Variants in INHA observed in about 807,000 individuals in gnomAD.
The protein encoded by INHA is inhibin subunit alpha, also known as inhibin alpha chain.
In INHA, 8 loss-of-function variants were observed where a neutral mutation model predicts 21.3. The ratio of observed to expected loss-of-function variants is 0.38; its 90% CI spans 0.22 to 0.68. The LOEUF (loss-of-function observed/expected upper bound fraction) is 0.68. Ranked by LOEUF, INHA falls within the 30% of genes least tolerant of loss-of-function variation. The pLI is 0.53. For missense variants in INHA, 436 were observed against 465.8 expected, an observed-to-expected ratio of 0.94 and a Z score of 0.59; for synonymous variants, 231 against 207.5, an observed-to-expected ratio of 1.11 and a Z score of -0.97.
chr2:219,575,563 G>T lies in INHA; in HGVS notation c.*37G>T. 1 of 1,522,520 alleles carries T rather than the reference G, an allele frequency of 6.6e-7. No individual in the cohort carries two copies. The allele number at this position is 1,522,520 out of a possible 1,614,324, so 94.3% of individuals were successfully genotyped here. On this transcript the variant is annotated 3_prime_UTR_variant, in exon 2 of 2. Coordinates refer to ENST00000243786, the MANE Select transcript of INHA (RefSeq NM_002191.4). ...CTTCCTTCTTAATCCCATGGCTGGT[G>T]GCCACGCCCCCACCATCATCAGCTG...
At position 219,574,822 on chromosome 2, in the gene INHA, T is replaced by C; in HGVS notation, c.397T>C (p.Phe133Leu). 6.2e-7 allele frequency: 1 copy of C among 1,614,112 alleles called. No individual in the cohort carries two copies. Among genetic ancestry groups the C allele is most frequent in the Non-Finnish European group, 8.5e-7 (1 of 1,179,992 alleles). ...SRQVTSAQLW[F>L]HTGLDRQGTA... is the part of the protein sequence containing the mutation. The stretch of plus-strand genomic sequence containing the variant: ...CCAGGTGACTTCAGCCCAGCTGTGG[T>C]TCCACACCGGGCTGGACAGGCAGGG... Residue 133 changes from phenylalanine to leucine, a missense_variant, in exon 2 of 2, where the codon TTC becomes CTC. Phe to Leu is a conservative substitution (Grantham distance 22). Transcript: ENST00000243786.
chr2:219,572,339 G>A lies in INHA; in HGVS notation c.-36G>A. On this transcript the variant is annotated 5_prime_UTR_variant, in exon 1 of 2. Transcript: ENST00000243786. ...ACCCTGGCAGAAGGGGCACGGGGCA[G>A]GGTGTGAGTTCCCCACTAGCAGGGC... 3.7e-6 allele frequency: 6 copies of A among 1,613,200 alleles called. No individual in the cohort carries two copies. The highest frequency in any genetic ancestry group is 1.1e-5 in the South Asian group (1 of 90,948).
chr2:219,575,390 C>T lies in INHA; in HGVS notation c.965C>T (p.Pro322Leu). 1 of 1,614,092 alleles carries T rather than the reference C, an allele frequency of 6.2e-7. No homozygotes were observed. The highest frequency in any genetic ancestry group is 8.5e-7 in the Non-Finnish European group (1 of 1,180,016). Residue 322 changes from proline to leucine, a missense_variant, in exon 2 of 2, where the codon CCA (proline) becomes CTA (leucine). Transcript: ENST00000243786. The stretch of plus-strand genomic sequence containing the variant: ...CCAGCCCAGCCCTACTCCTTGCTGC[C>T]AGGGGCCCAGCCCTGCTGTGCTGCT... ...PTPAQPYSLLPGAQPCCAALP... is the reference protein window; with the variant it reads ...PTPAQPYSLLLGAQPCCAALP...
At chr2:219,573,951 G>A (rs1166500826) in intron 1 of INHA, among the ~76,000 whole-genome samples, 3 of 141,588 alleles carry the variant, frequency 2.1e-5, no homozygotes, top group African/African-American at 5.4e-5. Flanking sequence ...CAGCCTGGGC[G>A]ACAGAGCTAG....
chr2:219,575,120 G>A lies in INHA; in HGVS notation c.695G>A (p.Arg232His). The A allele has an allele frequency of 1.9e-6, 3 of 1,614,108 alleles. No individual in the cohort carries two copies. The highest frequency in any genetic ancestry group is 2.2e-5 in the East Asian group (1 of 44,882). ...RPPSGGERAR[R>H]STPLMSWPWS... ...CCCAGTGGAGGGGAGAGAGCCCGAC[G>A]CTCAACTCCCCTGATGTCCTGGCCT... Residue 232 changes from arginine to histidine, a missense_variant, in exon 2 of 2, where the codon CGC becomes CAC. Coordinates refer to ENST00000243786, the MANE Select transcript of INHA (RefSeq NM_002191.4).
chr2:219,574,622 C>A, intron 1 of INHA, 72 bp from the exon 2 acceptor site: 1 of 1,298,604 alleles, frequency 7.7e-7, no homozygotes, highest in Non-Finnish European at 1.1e-6. Flanking sequence ...CCACATCCCT[C>A]CTGCTGAAGA....
In INHA at chr2:219,575,418, C is replaced by T; in HGVS notation, c.993C>T (p.Leu331=). Residue 331 remains leucine (L), a synonymous_variant, in exon 2 of 2, where the codon CTC becomes CTT. Transcript: ENST00000243786. The stretch of plus-strand genomic sequence containing the variant: ...GGGCCCAGCCCTGCTGTGCTGCTCT[C>T]CCAGGGACCATGAGGCCCCTACATG... ...LPGAQPCCAA[L]PGTMRPLHVR... The T allele has an allele frequency of 6.2e-7, 1 of 1,614,028 alleles. No individual in the cohort carries two copies. The highest frequency in any genetic ancestry group is 8.5e-7 in the Non-Finnish European group (1 of 1,179,994).
chr2:219,575,126 C>T lies in INHA; in HGVS notation c.701C>T (p.Thr234Ile). The T allele has an allele frequency of 6.2e-7, 1 of 1,614,222 alleles. No homozygotes were observed. The highest frequency in any genetic ancestry group is 8.5e-7 in the Non-Finnish European group (1 of 1,180,038). Residue 234 changes from threonine to isoleucine, a missense_variant, in exon 2 of 2, where the codon ACT (threonine) becomes ATT (isoleucine). Coordinates refer to ENST00000243786, the MANE Select transcript of INHA (RefSeq NM_002191.4). Reference sequence around the variant, plus strand: ...GGAGGGGAGAGAGCCCGACGCTCAACTCCCCTGATGTCCTGGCCTTGGTCT... The same window carrying T: ...GGAGGGGAGAGAGCCCGACGCTCAATTCCCCTGATGTCCTGGCCTTGGTCT... ...PSGGERARRS[T>I]PLMSWPWSPS... is the part of the protein sequence containing the mutation.
At chr2:219,573,584 C>A (rs1195904443) in intron 1 of INHA, among the ~76,000 whole-genome samples, 1 of 37,526 alleles carries the variant, frequency 2.7e-5, no homozygotes, top group Non-Finnish European at 5.1e-5. Flanking sequence ...TTCCCTCCTT[C>A]TTCTTTTTTT....
At position 219,575,636 on chromosome 2, in the gene INHA, T is replaced by C. The variant is rs112392695; in HGVS notation, c.*110T>C. The C allele has an allele frequency of 1.1e-6, 1 of 881,280 alleles. No individual in the cohort carries two copies. The highest frequency in any genetic ancestry group is 1.6e-5 in the African/African-American group (1 of 61,080). The allele number at this position is 881,280 out of a possible 1,614,324, so 54.6% of individuals were successfully genotyped here. Reference sequence around the variant, plus strand: ...ATAGATGGCTCCCACTCCTCCCTCCTTTCACTTCTCTGCCTATGGGCTACC... The same window carrying C: ...ATAGATGGCTCCCACTCCTCCCTCCCTTCACTTCTCTGCCTATGGGCTACC... On this transcript the variant is annotated 3_prime_UTR_variant, in exon 2 of 2. Transcript: ENST00000243786.
intron 1 of INHA, 59 bp from the exon 2 acceptor site, chr2:219,574,635 A>G (rs1697486740): frequency 1.4e-5 from 20 of 1,402,244 alleles, no homozygotes; most frequent in Non-Finnish European, 2.0e-5. Context: ...GCTGAAGAGG[A>G]GGGGTGCCAG....
Position 219,574,869 on chromosome 2 carries a change from T to A in INHA, c.444T>A (p.Ser148=). The A allele has an allele frequency of 6.2e-7, 1 of 1,614,118 alleles. No homozygotes were observed. The highest frequency in any genetic ancestry group is 8.5e-7 in the Non-Finnish European group (1 of 1,179,992). Residue 148 remains serine (S), a synonymous_variant, in exon 2 of 2, where the codon TCT becomes TCA. Coordinates refer to ENST00000243786, the MANE Select transcript of INHA (RefSeq NM_002191.4). ...DRQGTAASNS[S]EPLLGLLALS... ...AGGGCACAGCAGCCTCCAATAGCTCTGAGCCCCTGCTAGGCCTGCTGGCAC... is the reference window on the plus strand; with the variant it reads ...AGGGCACAGCAGCCTCCAATAGCTCAGAGCCCCTGCTAGGCCTGCTGGCAC...
rs67844693 is a variant in INHA at position 219,573,971 on chromosome 2, C to CAA, written c.269-708_269-707dup. Among the ~76,000 whole-genome samples the CAA allele has an allele frequency of 6.0e-3, 662 of 110,410 alleles. 12 individuals are homozygous for CAA. Among genetic ancestry groups the CAA allele is most frequent in the African/African-American group, 0.016 (521 of 32,630 alleles). 72.4% of individuals were successfully genotyped at this position (110,410 alleles called of 152,430 possible). A position where few individuals can be genotyped will look rare whatever the true frequency, so the allele number is the denominator to read the frequency against. ...TGGGCGACAGAGCTAGACTCCATCT[C>CAA]AAAAAAAAAAAAAAAATGGTAATAT... On this transcript the variant is annotated intron_variant, in intron 1 of 1. Coordinates refer to ENST00000243786, the MANE Select transcript of INHA (RefSeq NM_002191.4).
chr2:219,574,657 C>A, intron 1 of INHA, 37 bp from the exon 2 acceptor site: 1 of 1,554,242 alleles, frequency 6.4e-7, no homozygotes, highest in Non-Finnish European at 8.8e-7. Flanking sequence ...TCCTGCCAGT[C>A]AGGGCTGCCC....
intron 1 of INHA, among the ~76,000 whole-genome samples, chr2:219,573,904 A>G (rs573018030): frequency 1.3e-5 from 2 of 151,490 alleles, no homozygotes; most frequent in South Asian, 4.2e-4. Flanking sequence ...AGCGGAAGGC[A>G]GAGGTTGCAG....
intron 1 of INHA, 49 bp from the exon 2 acceptor site, chr2:219,574,645 G>C (rs1213910179): frequency 6.7e-7 from 1 of 1,501,108 alleles, no homozygotes; most frequent in Non-Finnish European, 9.1e-7. Context: ...AGGGGTGCCA[G>C]GTCCTGCCAG....
At chr2:219,573,713 G>A (rs1009751147) in intron 1 of INHA, among the ~76,000 whole-genome samples, 44 of 151,928 alleles carry the variant, frequency 2.9e-4, no homozygotes, top group Non-Finnish European at 5.9e-4. Flanking sequence ...GGTGGCTCAC[G>A]TCTGTACTCC....
At position 219,574,909 on chromosome 2, in the gene INHA, C is replaced by G; in HGVS notation, c.484C>G (p.Pro162Ala). 1 of 1,614,190 alleles carries G rather than the reference C, an allele frequency of 6.2e-7. No homozygotes were observed. The highest frequency in any genetic ancestry group is 2.2e-5 in the East Asian group (1 of 44,888). The change falls in exon 2 of 2, where the codon CCC becomes GCC. Residue 162 changes from proline to alanine, a missense_variant. Transcript: ENST00000243786. ...LGLLALSPGG[P>A]VAVPMSLGHA... ...CCTGCTGGCACTGTCACCGGGAGGACCCGTGGCTGTGCCCATGTCTTTGGG... is the reference window on the plus strand; with the variant it reads ...CCTGCTGGCACTGTCACCGGGAGGAGCCGTGGCTGTGCCCATGTCTTTGGG...
rs1167631910 is a variant in INHA at position 219,575,502 on chromosome 2, C to T, written c.1077C>T (p.Leu359=). The T allele has an allele frequency of 1.2e-6, 2 of 1,613,662 alleles. No individual in the cohort carries two copies. Among genetic ancestry groups the T allele is most frequent in the South Asian group, 2.2e-5 (2 of 91,074 alleles). The change falls in exon 2 of 2, where the codon CTC becomes CTT. Residue 359 remains leucine (L), a synonymous_variant. Transcript: ENST00000243786. ...SFKYETVPNL[L]TQHCACI ...AGTATGAGACAGTGCCCAACCTTCT[C>T]ACGCAGCACTGTGCTTGTATCTAAG...
Sources: gnomAD v4.1 joint callset for allele counts (sites outside exome capture counted in the v4.1 genomes callset) on GRCh38, gnomAD v4.1.1 for gene constraint, MANE v1.5 for transcripts, NCBI Gene and HGNC (gene_info 2026-07-23, HGNC 2026-07-21) for gene names.